PLEKHG4B: variants seen among roughly 807,000 people sequenced by gnomAD.
PLEKHG4B encodes the protein pleckstrin homology and RhoGEF domain containing G4B, also known as pleckstrin homology domain-containing family G member 4B.
In PLEKHG4B, 111 loss-of-function variants were observed where a neutral mutation model predicts 121.3. The observed-to-expected ratio is 0.92, with a 90% CI of 0.78 to 1.07. The LOEUF is 1.07. Among genes scored for constraint, PLEKHG4B ranks in the 50% least tolerant of loss-of-function variants. The pLI is 0.00. For missense variants in PLEKHG4B, 1,831 were observed against 1,757.8 expected (o/e 1.04, Z -0.74); for synonymous variants, 738 against 725.0 (o/e 1.02, Z -0.29).
intron 18 of PLEKHG4B, 127 bp from the exon 19 acceptor site, chr5:181,387 G>A (rs929737080): frequency 2.9e-5 from 28 of 979,056 alleles, no homozygotes; most frequent in Non-Finnish European, 3.6e-5. Flanking sequence ...GCCCCTCGTG[G>A]GGCAGGGTGG....
At chr5:169,229 G>C in intron 13 of PLEKHG4B, 111 bp from the exon 14 acceptor site, 1 of 1,454,304 alleles carries the variant, frequency 6.9e-7, no homozygotes, top group Non-Finnish European at 9.3e-7. Context: ...GTCCACATGT[G>C]ACCCTGCTCA....
In PLEKHG4B at chr5:163,553, G is replaced by A. The variant is rs764706965; in HGVS notation, c.3476+5G>A. On this transcript the variant is annotated splice_donor_5th_base_variant and intron_variant, in intron 13 of 19. Coordinates refer to ENST00000637938, the MANE Select transcript of PLEKHG4B (RefSeq NM_052909.5). Reference sequence around the variant, plus strand: ...TGGGAGGCAGCAGGTGGGCAGGTGAGGTGGACGTCCCCCTCCTCTCGTCCT... The same window carrying A: ...TGGGAGGCAGCAGGTGGGCAGGTGAAGTGGACGTCCCCCTCCTCTCGTCCT... The A allele has an allele frequency of 2.5e-6, 4 of 1,572,916 alleles. No individual in the cohort carries two copies. The highest frequency in any genetic ancestry group is 1.8e-5 in the Admixed American group (1 of 54,224).
At chr5:132,696 T>G (rs180839075) in intron 2 of PLEKHG4B, among the ~76,000 whole-genome samples, 28 of 152,330 alleles carry the variant, frequency 1.8e-4, no homozygotes, top group African/African-American at 6.7e-4. Flanking sequence ...GAAGATCAGT[T>G]GGCTGTAAAT....
chr5:145,965 AG>A (rs1361626920), intron 6 of PLEKHG4B, among the ~76,000 whole-genome samples: 1 of 152,010 alleles, frequency 6.6e-6, no homozygotes, highest in Admixed American at 6.6e-5. Flanking sequence ...AGGTTGTGCC[AG>A]GAAAGACATC....
chr5:153,601 G>C (rs1030795644), intron 7 of PLEKHG4B, among the ~76,000 whole-genome samples: 3 of 152,204 alleles, frequency 2.0e-5, no homozygotes, highest in African/African-American at 7.2e-5. Flanking sequence ...TCACTTTCCA[G>C]TGGTGTGGCC....
At chr5:162,211 C>A (rs139346011) in intron 12 of PLEKHG4B, among the ~76,000 whole-genome samples, 1 of 152,360 alleles carries the variant, frequency 6.6e-6, no homozygotes, top group East Asian at 1.9e-4. Context: ...TTAGAAAATT[C>A]CACTGATTGC....
chr5:171,750 T>C (rs1431064577), intron 16 of PLEKHG4B, among the ~76,000 whole-genome samples: 1 of 152,180 alleles, frequency 6.6e-6, no homozygotes, highest in African/African-American at 2.4e-5. Flanking sequence ...TCTGAATAAC[T>C]GGAAGTCTGC....
chr5:173,209 C>A, intron 17 of PLEKHG4B, 142 bp downstream of exon 17: 2 of 804,448 alleles, frequency 2.5e-6, no homozygotes, highest in Admixed American at 2.8e-5. Context: ...TTGTTTTCTG[C>A]GGTTCTTGGG....
chr5:136,607 A>G (rs1419205920), intron 2 of PLEKHG4B, among the ~76,000 whole-genome samples: 3 of 152,266 alleles, frequency 2.0e-5, no homozygotes, highest in Non-Finnish European at 4.4e-5. Flanking sequence ...CAAAACCTCA[A>G]TTAGATACCA....
Position 154,956 on chromosome 5 carries a change from C to T in PLEKHG4B, c.2074C>T (p.Pro692Ser). 6.2e-7 allele frequency: 1 copy of T among 1,613,596 alleles called. No individual in the cohort carries two copies. Among genetic ancestry groups the T allele is most frequent in the Non-Finnish European group, 8.5e-7 (1 of 1,180,044 alleles). ...GACCGCAGACCTCGACGGCTCCTTT[C>T]CCTACAGCCATGGTGACTGGATCTG... The part of the protein sequence containing the change: ...QLTADLDGSF[P>S]YSHGDWICFR... The change falls in exon 8 of 20, where the codon CCC becomes TCC. Residue 692 changes from proline (P) to serine (S), a missense_variant. Coordinates refer to ENST00000637938, the MANE Select transcript of PLEKHG4B (RefSeq NM_052909.5).
chr5:159,876 C>G lies in PLEKHG4B; in HGVS notation c.2488-1907C>G, dbSNP rs565912127. On this transcript the variant is annotated intron_variant, in intron 11 of 19. Transcript: ENST00000637938. The surrounding 1 kb of genome is among the most constrained non-coding windows in gnomAD (Gnocchi z 5.5). The stretch of plus-strand genomic sequence containing the variant: ...GGAGTCTCGGGACTTGGCCTCTGCT[C>G]TCCTCAGGCCCTGCCACTCCCGCTT... Among the ~76,000 whole-genome samples, 6 of 152,190 alleles carry G rather than the reference C, an allele frequency of 3.9e-5. No individual in the cohort carries two copies. Among genetic ancestry groups the G allele is most frequent in the African/African-American group, 1.4e-4 (6 of 41,538 alleles).
intron 1 of PLEKHG4B, among the ~76,000 whole-genome samples, chr5:99,830 T>C (rs1733748748): frequency 6.6e-6 from 1 of 152,132 alleles, no homozygotes; most frequent in Admixed American, 6.5e-5. Context: ...ACTTTGAGTT[T>C]TTCACCATTG....
chr5:92,529 C>T (rs1242357921), intron 1 of PLEKHG4B, among the ~76,000 whole-genome samples: 2 of 18,374 alleles, frequency 1.1e-4, no homozygotes, highest in African/African-American at 4.4e-4. Context: ...GGCGGGCGGG[C>T]GCGGGGACTG....
chr5:143,374 C>G lies in PLEKHG4B; in HGVS notation c.1688-6C>G, dbSNP rs774497952. ...CTTGGCAGCTGCCCTGTCTCTGTCTCCGCAGGGACCCGAGACCGTCATGGC... is the reference window on the plus strand; with the variant it reads ...CTTGGCAGCTGCCCTGTCTCTGTCTGCGCAGGGACCCGAGACCGTCATGGC... On this transcript the variant is annotated splice_polypyrimidine_tract_variant and splice_region_variant and intron_variant, in intron 4 of 19. Transcript: ENST00000637938. 6 of 1,611,932 alleles carry G rather than the reference C, an allele frequency of 3.7e-6. No homozygotes were observed. Among genetic ancestry groups the G allele is most frequent in the Non-Finnish European group, 5.1e-6 (6 of 1,179,602 alleles).
intron 13 of PLEKHG4B, among the ~76,000 whole-genome samples, chr5:168,369 C>T (rs1205066174): frequency 2.6e-5 from 4 of 152,210 alleles, no homozygotes; most frequent in African/African-American, 2.4e-5. Context: ...CCTTGCTCTC[C>T]GGCCACTGCA....
At chr5:132,014 T>C (rs548857003) in intron 2 of PLEKHG4B, among the ~76,000 whole-genome samples, 2 of 152,080 alleles carry the variant, frequency 1.3e-5, no homozygotes, top group African/African-American at 4.8e-5. Flanking sequence ...AAGGAAACTA[T>C]CTCAACATAA....
rs1560935146 is a variant in PLEKHG4B, at chr5:156,053, C to T, written c.2209-18C>T. The T allele has an allele frequency of 6.4e-7, 1 of 1,556,286 alleles. No homozygotes were observed. ...TGGAGGAGGGAGTTAAAGGCTTATT[C>T]CTCCCCATCCCGTGCAGGAAGTCGC... On this transcript the variant is annotated intron_variant, in intron 9 of 19. Coordinates refer to ENST00000637938, the MANE Select transcript of PLEKHG4B (RefSeq NM_052909.5). The surrounding 1 kb of genome is among the most constrained non-coding windows in gnomAD (Gnocchi z 4.4).
Position 188,616 on chromosome 5 carries a change from G to C in PLEKHG4B, c.*6293G>C, listed in dbSNP as rs990242096. On this transcript the variant is annotated 3_prime_UTR_variant, in exon 20 of 20. Transcript: ENST00000637938. ...AGACAGACGCTCTTGTTCCGGATCA[G>C]AGCAGCAGACAGAACCGGCACTTTT... 3 of 152,282 alleles carry C rather than the reference G, an allele frequency of 2.0e-5. No homozygotes were observed. The highest frequency in any genetic ancestry group is 4.4e-5 in the Non-Finnish European group (3 of 68,062). 9.4% of individuals were successfully genotyped at this position (152,282 alleles called of 1,614,324 possible).
At chr5:97,351 G>A (rs7723235) in intron 1 of PLEKHG4B, among the ~76,000 whole-genome samples, 1,314 of 120,152 alleles carry the variant, frequency 0.011, no homozygotes, top group African/African-American at 0.025. Flanking sequence ...GCTCCAGATC[G>A]TTTTCCTCAT....
Sources: allele counts gnomAD v4.1 joint callset (sites outside exome capture counted in the v4.1 genomes callset), GRCh38; gene constraint gnomAD v4.1.1; non-coding constraint Gnocchi (gnomAD v3.1); transcripts MANE v1.5; gene names NCBI Gene and HGNC (gene_info 2026-07-23, HGNC 2026-07-21).